AKNA: variants seen among roughly 807,000 people sequenced by gnomAD.
AKNA encodes the protein AT-hook transcription factor.
Under a neutral mutation model 138.8 loss-of-function variants are expected in AKNA, and 67 were observed. The ratio of observed to expected loss-of-function variants is 0.48; its 90% CI spans 0.40 to 0.59. The LOEUF (loss-of-function observed/expected upper bound fraction) is 0.59. Ranked by LOEUF, AKNA falls within the 20% of genes least tolerant of loss-of-function variation. The pLI is 0.00. For synonymous variants in AKNA, 737 were observed against 754.4 expected, an observed-to-expected ratio of 0.98 and a Z score of 0.38; for missense variants, 1,813 against 1,880.4, an observed-to-expected ratio of 0.96 and a Z score of 0.66.
intron 15 of AKNA, chr9:114,348,981 C>A (rs187553686): frequency 4.4e-6 from 2 of 456,276 alleles, no homozygotes; most frequent in East Asian, 6.9e-5. Flanking sequence ...GTGGAGGCCT[C>A]TTCCTGGCTG....
chr9:114,348,322 C>G lies in AKNA; in HGVS notation c.3222-422G>C, dbSNP rs550785633. 2.4e-3 allele frequency among the ~76,000 whole-genome samples: 373 copies of G among 152,358 alleles called. 2 individuals are homozygous for G. The highest frequency in any genetic ancestry group is 4.3e-3 in the Non-Finnish European group (293 of 68,040). On this transcript the variant is annotated intron_variant, in intron 15 of 21. Coordinates refer to ENST00000374088, the MANE Select transcript of AKNA (RefSeq NM_001317950.2). ...ACTGTGCAAGCCCATCTCTCCAGAC[C>G]TGGCAGAAGATGCTTGTCCACCATC...
Position 114,343,708 on chromosome 9 carries a change from C to A in AKNA, c.3757G>T (p.Gly1253Cys). 6.2e-7 allele frequency: 1 copy of A among 1,614,198 alleles called. No individual in the cohort carries two copies. Among genetic ancestry groups the A allele is most frequent in the Non-Finnish European group, 8.5e-7 (1 of 1,180,008 alleles). Reference sequence around the variant, plus strand: ...CAGTTTTCCAGGTGCCATTCCTTACCCGCATCCTGGGTCCTAATGGGCCGG... The same window carrying A: ...CAGTTTTCCAGGTGCCATTCCTTACACGCATCCTGGGTCCTAATGGGCCGG... ...HCRPIRTQDA[G>C]GAVTGDPLGP... Residue 1253 changes from glycine to cysteine, a missense_variant and splice_region_variant, in exon 19 of 22, where the codon GGT (glycine) becomes TGT (cysteine). Gly to Cys is a radical substitution (Grantham distance 159). Transcript: ENST00000374088.
intron 2 of AKNA, among the ~76,000 whole-genome samples, chr9:114,380,153 TAA>T (rs57149512): frequency 7.0e-6 from 1 of 142,358 alleles, no homozygotes; most frequent in Admixed American, 7.0e-5. Flanking sequence ...TCTGCCTCAC[TAA>T]AAAAAAAAAA....
In AKNA at chr9:114,381,096, G is replaced by A; in HGVS notation, c.238C>T (p.His80Tyr). 6.3e-7 allele frequency: 1 copy of A among 1,594,704 alleles called. No homozygotes were observed. Among genetic ancestry groups the A allele is most frequent in the Non-Finnish European group, 8.5e-7 (1 of 1,172,910 alleles). The change falls in exon 2 of 22, where the codon CAT (histidine) becomes TAT (tyrosine). Residue 80 changes from histidine to tyrosine, a missense_variant. His to Tyr is a moderately conservative substitution (Grantham distance 83, BLOSUM62 2). Coordinates refer to ENST00000374088, the MANE Select transcript of AKNA (RefSeq NM_001317950.2). ...EWDPHPQPDGHQDSESGETSG... is the reference protein window; with the variant it reads ...EWDPHPQPDGYQDSESGETSG... ...GTCTCTCCTGACTCGGAATCCTGAT[G>A]CCCATCGGGCTGCGGGTGTGGGTCC...
rs371628154 is a variant in AKNA at position 114,357,906 on chromosome 9, C to G, written c.2739+15G>C. 4 of 1,595,370 alleles carry G rather than the reference C, an allele frequency of 2.5e-6. No individual in the cohort carries two copies. Among genetic ancestry groups the G allele is most frequent in the Admixed American group, 3.7e-5 (2 of 53,484 alleles). On this transcript the variant is annotated intron_variant, in intron 12 of 21. Transcript: ENST00000374088. ...CCCTGAGGTTCTGGGCCCATTCCCC[C>G]ATGTGGAGACTTACCTCCAGGTGGG...
chr9:114,397,463 T>C (rs545914454), upstream of AKNA, among the ~76,000 whole-genome samples: 1 of 152,360 alleles, frequency 6.6e-6, no homozygotes, highest in South Asian at 2.1e-4. Context: ...CACTGCAGCC[T>C]GTCTCAGCTT....
intron 15 of AKNA, chr9:114,348,879 G>A (rs1051271232): frequency 1.1e-5 from 5 of 456,204 alleles, no homozygotes; most frequent in Admixed American, 2.3e-5. Flanking sequence ...CACTGGGGCC[G>A]TTCTTGCCTG....
intron 7 of AKNA, among the ~76,000 whole-genome samples, chr9:114,363,921 G>A (rs1365528680): frequency 6.6e-6 from 1 of 152,084 alleles, no homozygotes; most frequent in Non-Finnish European, 1.5e-5. Flanking sequence ...CCTGGCTGAT[G>A]CAGCAGGAAT....
chr9:114,373,797 G>C (rs570403409), intron 4 of AKNA, among the ~76,000 whole-genome samples: 1 of 148,870 alleles, frequency 6.7e-6, no homozygotes, highest in East Asian at 2.0e-4. Context: ...GAAGCAAGAG[G>C]ATCCCTTGAG....
intron 4 of AKNA, among the ~76,000 whole-genome samples, chr9:114,370,091 G>A (rs545082132): frequency 2.6e-5 from 4 of 152,348 alleles, no homozygotes; most frequent in South Asian, 2.1e-4. Flanking sequence ...GGTGGGCCTG[G>A]TGGAAGGGGC....
At position 114,335,765 on chromosome 9, in the gene AKNA, C is replaced by G. The variant is rs1255750241; in HGVS notation, c.*1289G>C. On this transcript the variant is annotated 3_prime_UTR_variant, in exon 22 of 22. Coordinates refer to ENST00000374088, the MANE Select transcript of AKNA (RefSeq NM_001317950.2). ...CAGCCTGGGCAACCAGAGCAAAACT[C>G]AGTCTCAAAAAAAAAAAAAAAAAGA... 3.8e-5 allele frequency: 4 copies of G among 104,832 alleles called. No individual in the cohort carries two copies. The highest frequency in any genetic ancestry group is 1.6e-4 in the African/African-American group (4 of 25,406). 6.5% of individuals were successfully genotyped at this position (104,832 alleles called of 1,614,324 possible).
intron 14 of AKNA, among the ~76,000 whole-genome samples, chr9:114,355,452 C>G (rs1401379895): frequency 1.3e-5 from 2 of 152,232 alleles, no homozygotes; most frequent in Non-Finnish European, 2.9e-5. Context: ...GCTGGGATTA[C>G]AGGCACGAGC....
At chr9:114,382,024 G>C (rs190532102) in intron 1 of AKNA, among the ~76,000 whole-genome samples, 4,981 of 152,252 alleles carry the variant, frequency 0.033, 275 homozygotes, top group African/African-American at 0.11. Flanking sequence ...AACAGGTGTT[G>C]AATGCATGCT....
intron 21 of AKNA, among the ~76,000 whole-genome samples, chr9:114,340,685 C>T (rs1830281263): frequency 6.6e-6 from 1 of 152,146 alleles, no homozygotes; most frequent in Non-Finnish European, 1.5e-5. Flanking sequence ...TACTAGGGGG[C>T]AGATGGGACT....
intron 21 of AKNA, among the ~76,000 whole-genome samples, chr9:114,339,491 G>A (rs1049636684): frequency 3.3e-5 from 5 of 152,278 alleles, no homozygotes; most frequent in Non-Finnish European, 5.9e-5. Flanking sequence ...AACCCATTTC[G>A]CAGAGAAGGA....
chr9:114,390,993 C>T (rs180674235), upstream of AKNA, among the ~76,000 whole-genome samples: 3 of 152,360 alleles, frequency 2.0e-5, no homozygotes, highest in East Asian at 5.8e-4. Flanking sequence ...GGACCCAGCA[C>T]ACAGGCCCTG....
chr9:114,341,455 G>T (rs1830336372), intron 21 of AKNA, 78 bp downstream of exon 21: 3 of 1,566,558 alleles, frequency 1.9e-6, no homozygotes, highest in African/African-American at 1.4e-5. Context: ...CATCTCAGCT[G>T]CCCCACCCAG....
upstream of AKNA, among the ~76,000 whole-genome samples, chr9:114,395,424 C>A (rs1834502818): frequency 6.6e-6 from 1 of 152,070 alleles, no homozygotes. Flanking sequence ...AGGTTTTTCC[C>A]CTGCTTAACG....
upstream of AKNA, among the ~76,000 whole-genome samples, chr9:114,389,438 TCA>T (rs750652659): frequency 1.2e-4 from 18 of 152,136 alleles, no homozygotes; most frequent in Non-Finnish European, 2.6e-4. Context: ...GAAAAAAATC[TCA>T]GAGTCACTGT....
Sources: gnomAD v4.1 joint callset for allele counts (sites outside exome capture counted in the v4.1 genomes callset) on GRCh38, gnomAD v4.1.1 for gene constraint, MANE v1.5 for transcripts, NCBI Gene and HGNC (gene_info 2026-07-23, HGNC 2026-07-21) for gene names.